Variants in LUZP1 observed in about 807,000 individuals in gnomAD.
The protein encoded by LUZP1 is leucine zipper protein 1, also known as filamin mechanobinding actin cross-linking protein.
LUZP1 carries 25 observed loss-of-function variants against 71.3 expected under a neutral mutation model. The ratio of observed to expected loss-of-function variants is 0.35; its 90% CI spans 0.26 to 0.49. The LOEUF (loss-of-function observed/expected upper bound fraction) is 0.49. Among genes scored for constraint, LUZP1 ranks in the 20% least tolerant of loss-of-function variants. The pLI, the probability that LUZP1 is intolerant of heterozygous loss-of-function variation, is 0.99. For missense variants in LUZP1, 1,142 were observed against 1,300.8 expected, an observed-to-expected ratio of 0.88 and a Z score of 1.88; for synonymous variants, 481 against 506.4, an observed-to-expected ratio of 0.95 and a Z score of 0.67.
At chr1:23,112,170 A>T (rs779248602) in intron 2 of LUZP1, among the ~76,000 whole-genome samples, 11 of 152,208 alleles carry the variant, frequency 7.2e-5, no homozygotes, top group Non-Finnish European at 1.2e-4. Flanking sequence ...AATGCCATTT[A>T]CTTCTTGCTT....
intron 2 of LUZP1, among the ~76,000 whole-genome samples, chr1:23,158,326 T>A (rs966727340): frequency 6.6e-6 from 1 of 152,126 alleles, no homozygotes; most frequent in Non-Finnish European, 1.5e-5. Flanking sequence ...ACTTTCCATA[T>A]TGTTTGTTGT....
intron 2 of LUZP1, among the ~76,000 whole-genome samples, chr1:23,153,437 T>C (rs1042974902): frequency 6.6e-6 from 1 of 152,140 alleles, no homozygotes; most frequent in Non-Finnish European, 1.5e-5. Context: ...AAAACTCTAG[T>C]CTAACTGCCT....
chr1:23,125,782 A>G (rs1167059078), intron 2 of LUZP1, among the ~76,000 whole-genome samples: 1 of 152,212 alleles, frequency 6.6e-6, no homozygotes, highest in Non-Finnish European at 1.5e-5. Context: ...AGGAAATGCA[A>G]GCTCCAATGT....
Position 23,093,037 on chromosome 1 carries a change from G to T in LUZP1, c.1225C>A (p.Leu409Ile). Residue 409 changes from leucine (L) to isoleucine (I), a missense_variant, in exon 4 of 5, where the codon CTC becomes ATC. Transcript: ENST00000302291. The surrounding 1 kb of genome is among the most constrained non-coding windows in gnomAD (Gnocchi z 4.2). The stretch of plus-strand genomic sequence containing the variant: ...CTCAGAGAATAGTTTTCATTGTTGA[G>T]AGCAAACTCCCTGTTCCGGAGTCGT... 1 of 1,614,146 alleles carries T rather than the reference G, an allele frequency of 6.2e-7. No homozygotes were observed. Among genetic ancestry groups the T allele is most frequent in the East Asian group, 2.2e-5 (1 of 44,874 alleles).
At chr1:23,101,860 T>G (rs951190392) in intron 3 of LUZP1, among the ~76,000 whole-genome samples, 2 of 152,190 alleles carry the variant, frequency 1.3e-5, no homozygotes, top group African/African-American at 4.8e-5. Flanking sequence ...TAGCAGACAT[T>G]TATAGAACAC....
intron 2 of LUZP1, among the ~76,000 whole-genome samples, chr1:23,117,383 T>C (rs1268919153): frequency 6.8e-6 from 1 of 147,680 alleles, no homozygotes; most frequent in Non-Finnish European, 1.5e-5. Context: ...ACATAATGCC[T>C]GAACGAAAAT....
At chr1:23,171,097 A>T (rs34565444) in intron 1 of LUZP1, among the ~76,000 whole-genome samples, 16,565 of 139,288 alleles carry the variant, frequency 0.12, 1,212 homozygotes, top group East Asian at 0.27. Flanking sequence ...TCAAAAAAAA[A>T]AAATATATAT....
intron 4 of LUZP1, chr1:23,090,576 G>A (rs1464937117): frequency 4.3e-6 from 2 of 460,674 alleles, no homozygotes; most frequent in Non-Finnish European, 7.8e-6. Context: ...GAGCTATACT[G>A]AACCAGCCCT....
chr1:23,098,026 G>GTA (rs2124610676), intron 3 of LUZP1, among the ~76,000 whole-genome samples: 1 of 152,318 alleles, frequency 6.6e-6, no homozygotes, highest in East Asian at 1.9e-4. Flanking sequence ...TATATTAGAT[G>GTA]TATAAGGGCC....
chr1:23,156,780 T>C (rs558498635), intron 2 of LUZP1, among the ~76,000 whole-genome samples: 9 of 152,282 alleles, frequency 5.9e-5, no homozygotes, highest in African/African-American at 2.2e-4. Context: ...TGACGTGCCA[T>C]TTATAGGATT....
chr1:23,151,552 G>T (rs1644383856), intron 2 of LUZP1, among the ~76,000 whole-genome samples: 1 of 152,108 alleles, frequency 6.6e-6, no homozygotes, highest in African/African-American at 2.4e-5. Context: ...CACTGACCTA[G>T]AATTCTAACT....
intron 1 of LUZP1, chr1:23,169,165 C>G (rs1644535955): frequency 6.6e-6 from 1 of 152,284 alleles, no homozygotes; most frequent in African/African-American, 2.4e-5. Flanking sequence ...TCGAGACCAG[C>G]CTGGGCAACA....
At position 23,100,935 on chromosome 1, in the gene LUZP1, CAAA is replaced by C. The variant is rs1443442010; in HGVS notation, c.-119-6558_-119-6556del. ...TACTGTGCTTTTTCCAGCAGTTTAG[CAAA>C]AGTCAAGGACTTCAGTCTCCTGACT... On this transcript the variant is annotated intron_variant, in intron 3 of 4. Transcript: ENST00000302291. Among the ~76,000 whole-genome samples the C allele has an allele frequency of 3.3e-5, 5 of 152,268 alleles. No homozygotes were observed. In the East Asian group the frequency reaches 9.6e-4, roughly 29 times the overall value.
At chr1:23,104,422 G>A (rs536696682) in intron 3 of LUZP1, among the ~76,000 whole-genome samples, 6 of 151,722 alleles carry the variant, frequency 4.0e-5, no homozygotes, top group Non-Finnish European at 7.4e-5. Context: ...GACCTCAAGT[G>A]ATCCACAAGC....
chr1:23,151,509 A>C (rs1274549465), intron 2 of LUZP1, among the ~76,000 whole-genome samples: 2 of 152,194 alleles, frequency 1.3e-5, no homozygotes, highest in East Asian at 3.8e-4. Context: ...TAATCCAAGG[A>C]TAGAGGAGCA....
At chr1:23,124,274 G>A (rs910083837) in intron 2 of LUZP1, among the ~76,000 whole-genome samples, 1 of 152,134 alleles carries the variant, frequency 6.6e-6, no homozygotes, top group African/African-American at 2.4e-5. Context: ...TTTTAAAGAT[G>A]GGGAAAATAA....
intron 2 of LUZP1, among the ~76,000 whole-genome samples, chr1:23,139,023 T>TAA (rs1644281905): frequency 1.4e-5 from 1 of 71,330 alleles, no homozygotes; most frequent in Non-Finnish European, 2.5e-5. Flanking sequence ...AAAAAAAATA[T>TAA]ATATATATAT....
chr1:23,166,793 G>T (rs1212584953), intron 2 of LUZP1, among the ~76,000 whole-genome samples: 4 of 151,916 alleles, frequency 2.6e-5, no homozygotes, highest in Admixed American at 2.6e-4. Context: ...CCTTTTCTTG[G>T]TCTTAAATTA....
At chr1:23,172,338 TA>T (rs1644557078) in intron 1 of LUZP1, among the ~76,000 whole-genome samples, 1 of 152,068 alleles carries the variant, frequency 6.6e-6, no homozygotes, top group Non-Finnish European at 1.5e-5. Context: ...ATGCTTAGTA[TA>T]TGCATAGAAA....
Sources: gnomAD v4.1 joint callset for allele counts (sites outside exome capture counted in the v4.1 genomes callset) on GRCh38, gnomAD v4.1.1 for gene constraint, Gnocchi (gnomAD v3.1) non-coding constraint, MANE v1.5 for transcripts, NCBI Gene and HGNC (gene_info 2026-07-23, HGNC 2026-07-21) for gene names.